The following ZNF292 variants were observed in gnomAD, a reference collection of about 807,000 sequenced individuals.
The protein encoded by ZNF292 is 16 zinc-finger domain protein.
A neutral mutation model predicts 217.9 loss-of-function variants in ZNF292; 26 were observed. The ratio of observed to expected loss-of-function variants is 0.12; its 90% CI spans 0.09 to 0.17. The LOEUF is 0.17. Ranked by LOEUF, ZNF292 falls within the 10% of genes least tolerant of loss-of-function variation. The pLI is 1.00. For missense variants in ZNF292, 2,904 were observed against 3,175.2 expected, an observed-to-expected ratio of 0.91 and a Z score of 2.05; for synonymous variants, 1,257 against 1,124.1, an observed-to-expected ratio of 1.12 and a Z score of -2.37.
chr6:87,194,284 CTT>C (rs1771897876), intron 1 of ZNF292, among the ~76,000 whole-genome samples: 1 of 151,698 alleles, frequency 6.6e-6, no homozygotes, highest in South Asian at 2.1e-4. Context: ...TGAGTTCACT[CTT>C]AGACATAAAA....
chr6:87,214,986 C>A (rs1772672274), intron 1 of ZNF292: 1 of 151,460 alleles, frequency 6.6e-6, no homozygotes, highest in African/African-American at 2.4e-5. Context: ...CCTTCAATAC[C>A]CTATTTTCTA....
chr6:87,261,295 G>C lies in ZNF292; in HGVS notation c.7666G>C (p.Ala2556Pro). Residue 2556 changes from alanine to proline, a missense_variant, in exon 8 of 8, where the codon GCT (alanine) becomes CCT (proline). By Grantham distance (27) the Ala-to-Pro change is conservative. Coordinates refer to ENST00000369577, the MANE Select transcript of ZNF292 (RefSeq NM_015021.3). ...KVEKAEPASA[A>P]ELSSVRKEEE... ...TGAAAAAGCTGAACCAGCATCAGCA[G>C]CTGAGTTAAGTAGCGTGCGTAAAGA... is the stretch of plus-strand genomic sequence containing the variant. 1 of 1,613,312 alleles carries C rather than the reference G, an allele frequency of 6.2e-7. No homozygotes were observed. Among genetic ancestry groups the C allele is most frequent in the Non-Finnish European group, 8.5e-7 (1 of 1,179,650 alleles).
chr6:87,156,096 T>G (rs1055042612), intron 1 of ZNF292, among the ~76,000 whole-genome samples: 3 of 152,154 alleles, frequency 2.0e-5, no homozygotes, highest in African/African-American at 7.2e-5. Flanking sequence ...CCAGGTTCTC[T>G]TCCTCCTCCT....
chr6:87,244,362 A>G (rs1774461158), intron 6 of ZNF292, among the ~76,000 whole-genome samples: 1 of 152,188 alleles, frequency 6.6e-6, no homozygotes, highest in Non-Finnish European at 1.5e-5. Flanking sequence ...GGGAGAATAA[A>G]TAAGAAGTAT....
intron 1 of ZNF292, among the ~76,000 whole-genome samples, chr6:87,189,911 A>G (rs1015879734): frequency 3.9e-5 from 6 of 152,204 alleles, no homozygotes; most frequent in Non-Finnish European, 4.4e-5. Flanking sequence ...TCTACATGGG[A>G]AATTTTTCTT....
intron 5 of ZNF292, among the ~76,000 whole-genome samples, chr6:87,233,828 CCTTAA>C (rs1381682491): frequency 6.6e-6 from 1 of 152,070 alleles, no homozygotes; most frequent in Non-Finnish European, 1.5e-5. Context: ...CAGCTTTTGG[CCTTAA>C]CTTCAATCTT....
rs75852383 is a variant in ZNF292 at position 87,254,617 on chromosome 6, T to C, written c.1021-33T>C. ...ATAAATTAGTGTTGATTAGTGTAGATTAAATTAACATTTCCTATTTGCTTT... is the reference window on the plus strand; with the variant it reads ...ATAAATTAGTGTTGATTAGTGTAGACTAAATTAACATTTCCTATTTGCTTT... On this transcript the variant is annotated intron_variant, in intron 7 of 7. Coordinates refer to ENST00000369577, the MANE Select transcript of ZNF292 (RefSeq NM_015021.3). The C allele has an allele frequency of 9.7e-3, 14,976 of 1,540,208 alleles. 99 individuals are homozygous for C. Among genetic ancestry groups the C allele is most frequent in the South Asian group, 0.016 (1,331 of 80,986 alleles).
At chr6:87,212,791 A>G (rs2127799274) in intron 1 of ZNF292, among the ~76,000 whole-genome samples, 1 of 152,290 alleles carries the variant, frequency 6.6e-6, no homozygotes, top group South Asian at 2.1e-4. Flanking sequence ...CATGCAAGAG[A>G]ATGTTTTCAT....
chr6:87,184,615 T>C (rs1369334374), intron 1 of ZNF292, among the ~76,000 whole-genome samples: 1 of 152,086 alleles, frequency 6.6e-6, no homozygotes, highest in East Asian at 1.9e-4. Context: ...AGGATATGTA[T>C]ATAGATATAT....
intron 5 of ZNF292, among the ~76,000 whole-genome samples, chr6:87,242,394 C>A (rs921752169): frequency 6.6e-6 from 1 of 152,136 alleles, no homozygotes; most frequent in Non-Finnish European, 1.5e-5. Flanking sequence ...ACCTGTGAAC[C>A]TATTGCCCCA....
intron 1 of ZNF292, among the ~76,000 whole-genome samples, chr6:87,160,578 A>C (rs943820020): frequency 1.3e-5 from 2 of 151,404 alleles, no homozygotes; most frequent in African/African-American, 4.9e-5. Context: ...GACTCTAATA[A>C]AAAAATATGT....
At chr6:87,203,675 G>A (rs1772162066) in intron 1 of ZNF292, among the ~76,000 whole-genome samples, 1 of 151,934 alleles carries the variant, frequency 6.6e-6, no homozygotes, top group East Asian at 1.9e-4. Context: ...TTGGGGGAAG[G>A]CATCAGACCC....
At chr6:87,232,733 GGCGAAGTTTTA>G (rs1562159645) in intron 4 of ZNF292, among the ~76,000 whole-genome samples, 1 of 27,296 alleles carries the variant, frequency 3.7e-5, no homozygotes, top group Admixed American at 5.3e-4. Flanking sequence ...TTTATCCTTT[GGCGAAGTTTTA>G]TCCTTTGGCA....
chr6:87,177,985 A>G (rs867791727), intron 1 of ZNF292, among the ~76,000 whole-genome samples: 1 of 152,100 alleles, frequency 6.6e-6, no homozygotes, highest in Admixed American at 6.5e-5. Flanking sequence ...TTCTTATACT[A>G]CAGCTTATGT....
intron 1 of ZNF292, among the ~76,000 whole-genome samples, chr6:87,189,490 C>A (rs1317268718): frequency 6.6e-6 from 1 of 151,946 alleles, no homozygotes; most frequent in African/African-American, 2.4e-5. Context: ...CTAGGATACA[C>A]ATTACATTTG....
At chr6:87,243,666 A>G in intron 6 of ZNF292, 55 bp downstream of exon 6, 1 of 1,375,188 alleles carries the variant, frequency 7.3e-7, no homozygotes, top group Non-Finnish European at 9.6e-7. Flanking sequence ...AATGCAAAAT[A>G]GGCTGTGAGA....
chr6:87,186,814 CA>C (rs1771675847), intron 1 of ZNF292, among the ~76,000 whole-genome samples: 1 of 152,210 alleles, frequency 6.6e-6, no homozygotes, highest in Admixed American at 6.5e-5. Context: ...TCCAAAGAGG[CA>C]AGCCTCTCAG....
intron 2 of ZNF292, 29 bp from the exon 3 acceptor site, chr6:87,216,270 C>A: frequency 6.5e-7 from 1 of 1,530,390 alleles, no homozygotes; most frequent in Non-Finnish European, 8.9e-7. Context: ...AATAATTATT[C>A]CTCTCCTTAC....
At chr6:87,245,748 T>A in intron 7 of ZNF292, 104 bp downstream of exon 7, 2 of 737,758 alleles carry the variant, frequency 2.7e-6, no homozygotes, top group Non-Finnish European at 4.1e-6. Context: ...ATTTTTAAAT[T>A]TTTTCAGTTA....
Sources: gnomAD v4.1 joint callset for allele counts (sites outside exome capture counted in the v4.1 genomes callset) on GRCh38, gnomAD v4.1.1 for gene constraint, MANE v1.5 for transcripts, NCBI Gene and HGNC (gene_info 2026-07-23, HGNC 2026-07-21) for gene names.